Variants in GULP1 observed in about 807,000 individuals in gnomAD.
The protein encoded by GULP1 is PTB domain-containing engulfment adapter protein 1.
In GULP1, 19 loss-of-function variants were observed where a neutral mutation model predicts 40.9. The ratio of observed to expected loss-of-function variants is 0.46; its 90% CI spans 0.32 to 0.68. The LOEUF (loss-of-function observed/expected upper bound fraction) is 0.68. Among genes scored for constraint, GULP1 ranks in the 30% least tolerant of loss-of-function variants. The pLI is 0.03. For synonymous variants in GULP1, 119 were observed against 117.6 expected (o/e 1.01, Z -0.08); for missense variants, 312 against 362.2 (o/e 0.86, Z 1.12).
Position 188,594,079 on chromosome 2 carries a change from C to A in GULP1, c.*68C>A. On this transcript the variant is annotated 3_prime_UTR_variant, in exon 12 of 12. Transcript: ENST00000409830. Reference sequence around the variant, plus strand: ...ATACACATGTCATTTATTATTATTACTTTAAGATAGGTATTATTCATGTGT... The same window carrying A: ...ATACACATGTCATTTATTATTATTAATTTAAGATAGGTATTATTCATGTGT... The A allele has an allele frequency of 1.2e-6, 1 of 832,442 alleles. No homozygotes were observed. Among genetic ancestry groups the A allele is most frequent in the Non-Finnish European group, 2.0e-6 (1 of 493,422 alleles). 51.6% of individuals were successfully genotyped at this position (832,442 alleles called of 1,614,324 possible). A position where few individuals can be genotyped will look rare whatever the true frequency, so the allele number is the denominator to read the frequency against.
chr2:188,589,683 G>A (rs535247003), intron 11 of GULP1: 1 of 996,510 alleles, frequency 1.0e-6, no homozygotes, highest in Non-Finnish European at 1.4e-6. Flanking sequence ...TGCTTTTGCT[G>A]TTTCTAATAT....
At chr2:188,337,331 G>T (rs552683001) in intron 1 of GULP1, among the ~76,000 whole-genome samples, 11 of 151,292 alleles carry the variant, frequency 7.3e-5, no homozygotes, top group Admixed American at 6.0e-4. Flanking sequence ...TAGAGATGGG[G>T]GTTTCATCAT....
chr2:188,443,039 C>T (rs183809915), intron 2 of GULP1, among the ~76,000 whole-genome samples: 32 of 152,236 alleles, frequency 2.1e-4, no homozygotes, highest in African/African-American at 7.5e-4. Context: ...ACAAAAATCC[C>T]TTAACTGTTC....
chr2:188,335,463 G>T lies in GULP1; in HGVS notation c.-172+43297G>T, dbSNP rs1162538948. Among the ~76,000 whole-genome samples, 7 of 152,098 alleles carry T rather than the reference G, an allele frequency of 4.6e-5. No homozygotes were observed. The South Asian group carries it at 6.2e-4, about 14-fold the overall frequency. ...TACCTCATCTTCACCCTACAGCTAG[G>T]TTTCTGCTCAGAATCGCTTCTAAAA... is the stretch of plus-strand genomic sequence containing the variant. On this transcript the variant is annotated intron_variant, in intron 1 of 11. Transcript: ENST00000409830.
At chr2:188,372,600 G>T in intron 1 of GULP1, among the ~76,000 whole-genome samples, 1 of 151,968 alleles carries the variant, frequency 6.6e-6, no homozygotes. Flanking sequence ...AGAGAGGGAG[G>T]TTAGGTATTA....
At chr2:188,371,750 T>C (rs1040403220) in intron 1 of GULP1, among the ~76,000 whole-genome samples, 2 of 152,134 alleles carry the variant, frequency 1.3e-5, no homozygotes, top group African/African-American at 4.8e-5. Flanking sequence ...TAACAAGTTA[T>C]TATAATTTAT....
chr2:188,470,569 GTACTGCTT>G (rs2060505601), intron 2 of GULP1, among the ~76,000 whole-genome samples: 1 of 151,948 alleles, frequency 6.6e-6, no homozygotes, highest in Non-Finnish European at 1.5e-5. Flanking sequence ...TTCCCTCTTA[GTACTGCTT>G]TGGCTGTATT....
chr2:188,332,681 A>G (rs2041767224), intron 1 of GULP1, among the ~76,000 whole-genome samples: 1 of 152,040 alleles, frequency 6.6e-6, no homozygotes, highest in Non-Finnish European at 1.5e-5. Context: ...GGAATCTTGA[A>G]AGTGAGGATC....
chr2:188,546,038 A>G (rs1691861984), intron 7 of GULP1, among the ~76,000 whole-genome samples: 1 of 151,976 alleles, frequency 6.6e-6, no homozygotes, highest in African/African-American at 2.4e-5. Flanking sequence ...AGATATGGTA[A>G]TCCTAACTGT....
chr2:188,445,187 T>A (rs781351979), intron 2 of GULP1, among the ~76,000 whole-genome samples: 3 of 152,182 alleles, frequency 2.0e-5, no homozygotes, highest in Non-Finnish European at 4.4e-5. Context: ...CCATTCAGCC[T>A]TATCTCAATT....
intron 4 of GULP1, among the ~76,000 whole-genome samples, chr2:188,489,198 G>T (rs768277840): frequency 6.6e-6 from 1 of 151,960 alleles, no homozygotes; most frequent in East Asian, 1.9e-4. Context: ...CTTTGGAATC[G>T]TTGAAAGTTG....
At chr2:188,548,649 A>G (rs72896856) in intron 7 of GULP1, among the ~76,000 whole-genome samples, 1,808 of 152,144 alleles carry the variant, frequency 0.012, 15 homozygotes, top group East Asian at 0.02. Flanking sequence ...CAGTGAAGTG[A>G]AAGTAATTCA....
chr2:188,504,625 C>A (rs1350891006), intron 4 of GULP1, among the ~76,000 whole-genome samples: 1 of 151,846 alleles, frequency 6.6e-6, no homozygotes, highest in African/African-American at 2.4e-5. Flanking sequence ...AACTGTTTTT[C>A]ATATTCATAG....
At chr2:188,504,190 T>C (rs1452867604) in intron 4 of GULP1, among the ~76,000 whole-genome samples, 1 of 151,906 alleles carries the variant, frequency 6.6e-6, no homozygotes, top group Non-Finnish European at 1.5e-5. Context: ...ATTAATAACA[T>C]AGAGCTAGGA....
intron 1 of GULP1, among the ~76,000 whole-genome samples, chr2:188,296,484 G>A (rs1467539463): frequency 2.0e-5 from 3 of 152,060 alleles, no homozygotes; most frequent in South Asian, 2.1e-4. Context: ...CAAATATTGT[G>A]TGGGATAGTA....
intron 7 of GULP1, among the ~76,000 whole-genome samples, chr2:188,550,236 A>C (rs1427419098): frequency 1.3e-5 from 2 of 151,712 alleles, no homozygotes; most frequent in Non-Finnish European, 3.0e-5. Context: ...TTTTAAGTAA[A>C]TGCAGGCCAA....
In GULP1 at chr2:188,570,117, TC is replaced by T; in HGVS notation, c.608del (p.Pro203GlnfsTer5). The T allele has an allele frequency of 7.7e-7, 1 of 1,296,632 alleles. No individual in the cohort carries two copies. Among genetic ancestry groups the T allele is most frequent in the South Asian group, 1.3e-5 (1 of 77,858 alleles). 80.3% of individuals were successfully genotyped at this position (1,296,632 alleles called of 1,614,324 possible). On this transcript the variant is annotated frameshift_variant and splice_region_variant, in exon 9 of 12. Coordinates refer to ENST00000409830, the MANE Select transcript of GULP1 (RefSeq NM_016315.4). LOFTEE classifies it high-confidence loss of function. ...TGAGAATAACTCAAGTATCAGCACC[TC>T]CAGTGAGTATATTGAATATCCTTAG... ...QLRITQVSAP[P>X]AGSMTPKSPS... is the part of the protein sequence containing the mutation.
intron 9 of GULP1, among the ~76,000 whole-genome samples, chr2:188,576,277 G>C (rs1324777190): frequency 6.6e-6 from 1 of 151,450 alleles, no homozygotes; most frequent in Non-Finnish European, 1.5e-5. Flanking sequence ...CTTTTTTATT[G>C]TCATTGTTTA....
chr2:188,376,509 G>A (rs1231325647), intron 1 of GULP1, among the ~76,000 whole-genome samples: 2 of 152,040 alleles, frequency 1.3e-5, no homozygotes, highest in Non-Finnish European at 2.9e-5. Flanking sequence ...AGAATAAAAC[G>A]TTCAAAGGCC....
Sources: gnomAD v4.1 joint callset for allele counts (sites outside exome capture counted in the v4.1 genomes callset) on GRCh38, gnomAD v4.1.1 for gene constraint, MANE v1.5 for transcripts, NCBI Gene and HGNC (gene_info 2026-07-23, HGNC 2026-07-21) for gene names.